NCOR2: variants seen among roughly 807,000 people sequenced by gnomAD.
NCOR2 encodes the protein CTG repeat protein 26.
Under a neutral mutation model 262.9 loss-of-function variants are expected in NCOR2, and 81 were observed. The observed-to-expected ratio is 0.31, with a 90% confidence interval of 0.26 to 0.37. The LOEUF is 0.37. Among genes scored for constraint, NCOR2 ranks in the 10% least tolerant of loss-of-function variants. The probability of loss-of-function intolerance (pLI) is 1.00; values close to 1 mark genes in which losing one functional copy is unlikely to be tolerated. For missense variants in NCOR2, 3,385 were observed against 3,621.4 expected (o/e 0.93, Z 1.68); for synonymous variants, 1,659 against 1,559.3 (o/e 1.06, Z -1.51).
At chr12:124,466,940 C>G (rs2046445022) in intron 4 of NCOR2, among the ~76,000 whole-genome samples, 1 of 151,838 alleles carries the variant, frequency 6.6e-6, no homozygotes, top group Admixed American at 6.6e-5. Context: ...CACAGGTGCT[C>G]CTCATCAACC....
chr12:124,373,111 GAGGGCA>G (rs1460284348), intron 19 of NCOR2, among the ~76,000 whole-genome samples: 1 of 152,284 alleles, frequency 6.6e-6, no homozygotes, highest in East Asian at 1.9e-4. Context: ...TGGCAATTGT[GAGGGCA>G]AGGGCAACTG....
At chr12:124,442,673 G>A (rs2044883985) in intron 7 of NCOR2, among the ~76,000 whole-genome samples, 1 of 152,138 alleles carries the variant, frequency 6.6e-6, no homozygotes, top group African/African-American at 2.4e-5. Context: ...TTTGCAGGTG[G>A]TACACTGCCT....
chr12:124,350,463 A>C, intron 28 of NCOR2, 124 bp downstream of exon 30: 1 of 1,273,562 alleles, frequency 7.9e-7, no homozygotes, highest in African/African-American at 1.5e-5. Context: ...AGGGATAAGG[A>C]GGTCACCACC....
intron 2 of NCOR2, among the ~76,000 whole-genome samples, chr12:124,484,270 G>A (rs1444881403): frequency 6.6e-6 from 1 of 152,196 alleles, no homozygotes. Flanking sequence ...CTGGCCGATC[G>A]CAGAACTCTT....
chr12:124,519,920 G>A (rs1029068173), intron 1 of NCOR2, among the ~76,000 whole-genome samples: 1 of 152,214 alleles, frequency 6.6e-6, no homozygotes, highest in Non-Finnish European at 1.5e-5. Flanking sequence ...TGGCTGAGCT[G>A]GGACTTGAAC....
chr12:124,376,965 C>T (rs533847558), intron 18 of NCOR2, among the ~76,000 whole-genome samples: 1 of 152,268 alleles, frequency 6.6e-6, no homozygotes, highest in East Asian at 1.9e-4. Flanking sequence ...CCTCCAGGGG[C>T]CTTCGGTCAC....
At chr12:124,429,875 C>T (rs1272478592) in intron 9 of NCOR2, among the ~76,000 whole-genome samples, 169 bp from the exon 12 acceptor site, 2 of 152,232 alleles carry the variant, frequency 1.3e-5, no homozygotes, top group Middle Eastern at 3.2e-3. Flanking sequence ...ATGGAGCCCC[C>T]ACCCCAACCC....
chr12:124,414,946 C>A (rs549586208), intron 13 of NCOR2, among the ~76,000 whole-genome samples: 6 of 152,262 alleles, frequency 3.9e-5, no homozygotes, highest in African/African-American at 1.2e-4. Flanking sequence ...GGATTCCCAT[C>A]TGATCACAAG....
rs554163895 is a variant in NCOR2, at chr12:124,545,140, C to T, written c.-164-9529G>A. Among the ~76,000 whole-genome samples the T allele has an allele frequency of 2.3e-3, 353 of 152,258 alleles. 5 individuals carry two copies. The highest frequency in any genetic ancestry group is 8.2e-3 in the African/African-American group (339 of 41,542). Reference sequence around the variant, plus strand: ...CACCTCCCCAGGGCCCCTTGCCAGCCTGCAACCCTACTGAGACACCAATGT... The same window carrying T: ...CACCTCCCCAGGGCCCCTTGCCAGCTTGCAACCCTACTGAGACACCAATGT... On this transcript the variant is annotated intron_variant, in intron 1 of 32. Transcript: ENST00000458234.
At chr12:124,509,245 G>GGGGGGGGGGGC in intron 1 of NCOR2, among the ~76,000 whole-genome samples, 1 of 144,566 alleles carries the variant, frequency 6.9e-6, no homozygotes, top group African/African-American at 2.9e-5. Flanking sequence ...TGGGGGGGGG[G>GGGGGGGGGGGC]GGGGCTTAAC....
At chr12:124,445,030 C>A (rs1030152933) in intron 7 of NCOR2, among the ~76,000 whole-genome samples, 1 of 152,146 alleles carries the variant, frequency 6.6e-6, no homozygotes, top group African/African-American at 2.4e-5. Context: ...CCGGGTCTGA[C>A]AGTTCCCATC....
intron 3 of NCOR2, among the ~76,000 whole-genome samples, chr12:124,476,203 G>C (rs1013599266): frequency 6.6e-6 from 1 of 152,204 alleles, no homozygotes; most frequent in Non-Finnish European, 1.5e-5. Context: ...GCTACCCAGA[G>C]TGCCCAACAC....
intron 31 of NCOR2, among the ~76,000 whole-genome samples, 188 bp from the exon 34 acceptor site, chr12:124,345,139 C>T (rs1337694947): frequency 6.6e-6 from 1 of 152,196 alleles, no homozygotes; most frequent in African/African-American, 2.4e-5. Flanking sequence ...CTGCCCTGCG[C>T]ACCCTGGGCC....
At chr12:124,565,956 C>CG (rs2052223703) in intron 1 of NCOR2, among the ~76,000 whole-genome samples, 1 of 152,104 alleles carries the variant, frequency 6.6e-6, no homozygotes, top group African/African-American at 2.4e-5. Context: ...CAGCCTGCCC[C>CG]GGGTCGCCCT....
intron 4 of NCOR2, among the ~76,000 whole-genome samples, chr12:124,471,621 G>A (rs531930937): frequency 8.5e-5 from 13 of 152,374 alleles, no homozygotes; most frequent in African/African-American, 2.9e-4. Context: ...GCCCAGGCAA[G>A]AGTGCAGTGG....
chr12:124,480,364 G>A (rs1348463134), intron 3 of NCOR2, among the ~76,000 whole-genome samples: 2 of 152,218 alleles, frequency 1.3e-5, no homozygotes, highest in Admixed American at 6.5e-5. Flanking sequence ...ACCCTGGCCT[G>A]GGCAGTCAGA....
intron 42 of NCOR2, 41 bp from the exon 45 acceptor site, chr12:124,332,508 G>C (rs375628700): frequency 6.2e-7 from 1 of 1,612,942 alleles, no homozygotes; most frequent in Non-Finnish European, 8.5e-7. Flanking sequence ...ACTTGGTGCC[G>C]AGCTTGCATG....
Position 124,443,497 on chromosome 12 carries a change from A to AT in NCOR2, c.816-5502dup, listed in dbSNP as rs1203714924. Among the ~76,000 whole-genome samples, 1 of 143,510 alleles carries AT rather than the reference A, an allele frequency of 7.0e-6. No homozygotes were observed. Among genetic ancestry groups the AT allele is most frequent in the Non-Finnish European group, 1.6e-5 (1 of 63,902 alleles). 94.1% of individuals were successfully genotyped at this position (143,510 alleles called of 152,430 possible). A position where few individuals can be genotyped will look rare whatever the true frequency, so the allele number is the denominator to read the frequency against. On this transcript the variant is annotated intron_variant, in intron 7 of 46. Coordinates refer to ENST00000405201, the Ensembl canonical transcript of NCOR2. This position sits in a 1 kb window ranked among gnomAD's most constrained non-coding sequence, Gnocchi z 4.4. ...TTGGGCTGTGGTGCTTTATTTATTT[A>AT]TTTTTTATTTTTTATTTTTTTGAGA...
At chr12:124,354,610 C>A (rs567189053) in intron 25 of NCOR2, 28 bp from the exon 28 acceptor site, 4 of 1,498,812 alleles carry the variant, frequency 2.7e-6, no homozygotes, top group Non-Finnish European at 3.6e-6. Flanking sequence ...GAGCGAGTCA[C>A]GTGCTGCCGG....
Sources: allele counts gnomAD v4.1 joint callset (sites outside exome capture counted in the v4.1 genomes callset), GRCh38; gene constraint gnomAD v4.1.1; non-coding constraint Gnocchi (gnomAD v3.1); transcripts MANE v1.5; gene names NCBI Gene and HGNC (gene_info 2026-07-23, HGNC 2026-07-21).